RALGAPA1: variants seen among roughly 807,000 people sequenced by gnomAD.
RALGAPA1 encodes Ral GTPase activating protein catalytic subunit alpha 1.
In RALGAPA1, 52 loss-of-function variants were observed where a neutral mutation model predicts 269.6. That is an observed-to-expected ratio of 0.19 (90% CI 0.15 to 0.24). The LOEUF is 0.24. RALGAPA1 is among the 10% of genes least tolerant of loss of function. The pLI, the probability that RALGAPA1 is intolerant of heterozygous loss-of-function variation, is 1.00. For synonymous variants in RALGAPA1, 817 were observed against 1,008.3 expected, an observed-to-expected ratio of 0.81 and a Z score of 3.60; for missense variants, 1,917 against 3,013.9, an observed-to-expected ratio of 0.64 and a Z score of 8.52.
chr14:35,719,748 C>T (rs2069196913), intron 16 of RALGAPA1, among the ~76,000 whole-genome samples: 1 of 151,322 alleles, frequency 6.6e-6, no homozygotes, highest in Non-Finnish European at 1.5e-5. Flanking sequence ...ACAATTTCTT[C>T]TTTTTTTTTG....
chr14:35,751,989 G>C, intron 8 of RALGAPA1, 35 bp downstream of exon 8: 1 of 1,559,128 alleles, frequency 6.4e-7, no homozygotes, highest in Non-Finnish European at 8.6e-7. Context: ...TTACTCTTAA[G>C]TGTGATCTTT....
At chr14:35,734,227 A>G (rs1352169319) in intron 12 of RALGAPA1, among the ~76,000 whole-genome samples, 2 of 152,166 alleles carry the variant, frequency 1.3e-5, no homozygotes, top group Non-Finnish European at 2.9e-5. Flanking sequence ...ATGGAACCAA[A>G]AAAGGACCCA....
rs1174550284 is a variant in RALGAPA1 at position 35,775,855 on chromosome 14, A to G, written c.107-110T>C. 7 of 1,085,552 alleles carry G rather than the reference A, an allele frequency of 6.4e-6. No individual in the cohort carries two copies. In the East Asian group the frequency reaches 2.0e-4, roughly 30 times the overall value. The allele number at this position is 1,085,552 out of a possible 1,614,324, so 67.2% of individuals were successfully genotyped here. ...GTCAAAGAACTGCTCCTAAAATTCTATTCTATTAAAATATTTACAATATAT... is the reference window on the plus strand; with the variant it reads ...GTCAAAGAACTGCTCCTAAAATTCTGTTCTATTAAAATATTTACAATATAT... On this transcript the variant is annotated intron_variant, in intron 1 of 41. Coordinates refer to ENST00000680220, the MANE Select transcript of RALGAPA1 (RefSeq NM_001346249.2).
intron 4 of RALGAPA1, chr14:35,766,610 C>T: frequency 2.7e-6 from 2 of 742,874 alleles, no homozygotes; most frequent in Non-Finnish European, 5.0e-6. Flanking sequence ...CTACTGAAGC[C>T]ATGTATGCTG....
intron 37 of RALGAPA1, among the ~76,000 whole-genome samples, chr14:35,582,749 C>A (rs1385548976): frequency 6.6e-6 from 1 of 152,074 alleles, no homozygotes; most frequent in Non-Finnish European, 1.5e-5. Context: ...TGAAACACAC[C>A]AAAACATTCT....
At chr14:35,628,164 G>A (rs1374435817) in intron 33 of RALGAPA1, among the ~76,000 whole-genome samples, 1 of 152,174 alleles carries the variant, frequency 6.6e-6, no homozygotes, top group East Asian at 1.9e-4. Flanking sequence ...TTTTGCTAAT[G>A]GGTCCATAAT....
Position 35,650,197 on chromosome 14 carries a change from C to T in RALGAPA1, c.5676+1608G>A, listed in dbSNP as rs564161742. ...GACCGGCCTGGCCAAGATGATGAGA[C>T]CCCCCCGCCCCCGACACATCTCTAC... is the stretch of plus-strand genomic sequence containing the variant. On this transcript the variant is annotated intron_variant, in intron 31 of 41. Coordinates refer to ENST00000680220, the MANE Select transcript of RALGAPA1 (RefSeq NM_001346249.2). Among the ~76,000 whole-genome samples the T allele has an allele frequency of 4.0e-5, 6 of 151,762 alleles. No individual in the cohort carries two copies. In the East Asian group the frequency reaches 7.8e-4, roughly 20 times the overall value.
intron 18 of RALGAPA1, among the ~76,000 whole-genome samples, chr14:35,687,766 T>C (rs1478776070): frequency 6.6e-6 from 1 of 152,180 alleles, no homozygotes; most frequent in Non-Finnish European, 1.5e-5. Flanking sequence ...TTATGCACAT[T>C]TAAAATCTCA....
intron 17 of RALGAPA1, among the ~76,000 whole-genome samples, chr14:35,692,872 A>G (rs188762689): frequency 6.6e-6 from 1 of 152,000 alleles, no homozygotes; most frequent in African/African-American, 2.4e-5. Context: ...ACTGAGAAAA[A>G]GACTAAATAA....
intron 10 of RALGAPA1, among the ~76,000 whole-genome samples, chr14:35,742,797 T>TAG (rs1272935942): frequency 6.7e-6 from 1 of 148,574 alleles, no homozygotes; most frequent in African/African-American, 2.5e-5. Flanking sequence ...AACTTCTAAA[T>TAG]AGAGACCACA....
chr14:35,609,974 C>A (rs191901174), intron 35 of RALGAPA1, among the ~76,000 whole-genome samples: 1 of 145,662 alleles, frequency 6.9e-6, no homozygotes, highest in Non-Finnish European at 1.5e-5. Flanking sequence ...AAATTCAAAG[C>A]AAGCAGAAGA....
At chr14:35,587,813 C>T (rs1413987474) in intron 37 of RALGAPA1, among the ~76,000 whole-genome samples, 1 of 152,154 alleles carries the variant, frequency 6.6e-6, no homozygotes, top group Non-Finnish European at 1.5e-5. Flanking sequence ...CACATGTATA[C>T]ATATGTAACA....
At chr14:35,683,130 G>C (rs1361526136) in intron 21 of RALGAPA1, among the ~76,000 whole-genome samples, 1 of 152,148 alleles carries the variant, frequency 6.6e-6, no homozygotes, top group African/African-American at 2.4e-5. Context: ...ACCACAGTGA[G>C]GTTGGATTAT....
intron 17 of RALGAPA1, among the ~76,000 whole-genome samples, chr14:35,692,066 G>T (rs1191733726): frequency 6.6e-6 from 1 of 151,958 alleles, no homozygotes; most frequent in Non-Finnish European, 1.5e-5. Flanking sequence ...AAATATTTCG[G>T]TTTTTTACAT....
rs182891775 is a variant in RALGAPA1, at chr14:35,548,464, A to G, written c.*23+44T>C. The G allele has an allele frequency of 1.1e-3, 1,533 of 1,446,784 alleles. 4 individuals are homozygous for G. Among genetic ancestry groups the G allele is most frequent in the Middle Eastern group, 3.6e-3 (20 of 5,540 alleles). The allele number at this position is 1,446,784 out of a possible 1,614,324, so 89.6% of individuals were successfully genotyped here. A position where few individuals can be genotyped will look rare whatever the true frequency, so the allele number is the denominator to read the frequency against. ...AGCCTGCTAATTTTGAAAAAAGGAA[A>G]TGGGAGAAGAACAGAGGGTGTTTTG... On this transcript the variant is annotated intron_variant, in intron 41 of 41. Coordinates refer to ENST00000680220, the MANE Select transcript of RALGAPA1 (RefSeq NM_001346249.2).
At chr14:35,722,886 C>A (rs1232569225) in intron 15 of RALGAPA1, 141 bp downstream of exon 15, 1 of 497,222 alleles carries the variant, frequency 2.0e-6, no homozygotes, top group South Asian at 4.3e-5. Flanking sequence ...GTATTTTATA[C>A]ATTTTCATTT....
intron 39 of RALGAPA1, among the ~76,000 whole-genome samples, chr14:35,557,122 GTGTGTGTGTGTGTGTA>G: frequency 6.7e-6 from 1 of 149,970 alleles, no homozygotes; most frequent in Non-Finnish European, 1.5e-5. Flanking sequence ...GTGTGTGTGT[GTGTGTGTGTGTGTGTA>G]TATATATTCT....
chr14:35,641,335 T>G (rs956019740), intron 31 of RALGAPA1, among the ~76,000 whole-genome samples: 1 of 152,184 alleles, frequency 6.6e-6, no homozygotes, highest in Non-Finnish European at 1.5e-5. Flanking sequence ...ATCTTATATT[T>G]GGAAAGACCT....
intron 12 of RALGAPA1, among the ~76,000 whole-genome samples, chr14:35,736,219 A>C (rs2070983019): frequency 6.6e-6 from 1 of 152,194 alleles, no homozygotes. Flanking sequence ...AAATTAGACA[A>C]ACGTTAAGGG....
Sources: gnomAD v4.1 joint callset for allele counts (sites outside exome capture counted in the v4.1 genomes callset) on GRCh38, gnomAD v4.1.1 for gene constraint, MANE v1.5 for transcripts, NCBI Gene and HGNC (gene_info 2026-07-23, HGNC 2026-07-21) for gene names.